The following KCNMA1 variants were observed in gnomAD, a reference collection of about 807,000 sequenced individuals.
KCNMA1 encodes the protein Calcium-activated potassium channel subunit alpha-1.
Under a neutral mutation model 140.0 loss-of-function variants are expected in KCNMA1, and 29 were observed. That is an observed-to-expected ratio of 0.21 (90% CI 0.15 to 0.28). The LOEUF (loss-of-function observed/expected upper bound fraction) is 0.28, where lower values mean the gene tolerates loss of function less well. Ranked by LOEUF, KCNMA1 falls within the 10% of genes least tolerant of loss-of-function variation. The probability of loss-of-function intolerance (pLI) is 1.00; values close to 1 mark genes in which losing one functional copy is unlikely to be tolerated. For missense variants in KCNMA1, 880 were observed against 1,602.2 expected (o/e 0.55, Z 7.70); for synonymous variants, 612 against 611.9 (o/e 1.00, Z 0.00).
chr10:77,597,357 G>A (rs1465331277), intron 1 of KCNMA1, among the ~76,000 whole-genome samples: 13 of 152,092 alleles, frequency 8.5e-5, no homozygotes, highest in Admixed American at 8.5e-4. Flanking sequence ...GTAGCTAGAA[G>A]AGAAAGAATT....
intron 17 of KCNMA1, among the ~76,000 whole-genome samples, chr10:77,015,295 TG>T (rs2091798043): frequency 6.6e-6 from 1 of 152,084 alleles, no homozygotes; most frequent in South Asian, 2.1e-4. Flanking sequence ...TACAGGTCTA[TG>T]AAATGGCACA....
At chr10:77,314,923 AACACACACACACACAC>A (rs3998084) in intron 2 of KCNMA1, among the ~76,000 whole-genome samples, 69 of 146,342 alleles carry the variant, frequency 4.7e-4, no homozygotes, top group African/African-American at 8.8e-4. Flanking sequence ...CCACACCCCC[AACACACACACACACAC>A]ACACACACAC....
chr10:77,056,540 T>A (rs980959625), intron 14 of KCNMA1, among the ~76,000 whole-genome samples: 67 of 152,162 alleles, frequency 4.4e-4, no homozygotes, highest in African/African-American at 1.6e-3. Context: ...AAAAAATTAC[T>A]TGCCATAAGA....
At chr10:77,429,622 T>C (rs920541449) in intron 1 of KCNMA1, among the ~76,000 whole-genome samples, 7 of 152,164 alleles carry the variant, frequency 4.6e-5, no homozygotes, top group African/African-American at 1.4e-4. Flanking sequence ...AAATTCCCCA[T>C]AGTAGTCTAT....
intron 24 of KCNMA1, chr10:76,913,465 T>C (rs1160475031): frequency 6.6e-6 from 1 of 152,336 alleles, no homozygotes; most frequent in Non-Finnish European, 1.5e-5. Context: ...CTTCTTGAAA[T>C]CTGCCTTTAG....
At chr10:76,937,179 A>T (rs1027426876) in intron 23 of KCNMA1, among the ~76,000 whole-genome samples, 3 of 152,128 alleles carry the variant, frequency 2.0e-5, no homozygotes, top group Admixed American at 6.5e-5. Context: ...TATCTTCCTT[A>T]TGTTGGGCTA....
chr10:77,446,917 T>C (rs1217268114), intron 1 of KCNMA1, among the ~76,000 whole-genome samples: 1 of 152,238 alleles, frequency 6.6e-6, no homozygotes, highest in Admixed American at 6.5e-5. Context: ...GGCAAGTTCT[T>C]CCTGCTCCTC....
chr10:77,000,676 T>C (rs914543361), intron 19 of KCNMA1, among the ~76,000 whole-genome samples: 2 of 151,654 alleles, frequency 1.3e-5, no homozygotes, highest in Admixed American at 6.6e-5. Flanking sequence ...GGCTATACTA[T>C]TGGAAAAATA....
intron 1 of KCNMA1, among the ~76,000 whole-genome samples, chr10:77,488,760 C>A (rs751116717): frequency 1.3e-5 from 2 of 152,046 alleles, no homozygotes; most frequent in Non-Finnish European, 2.9e-5. Context: ...GCCATGTTCT[C>A]TGGAAACCAG....
At chr10:77,598,493 G>A (rs2081593011) in intron 1 of KCNMA1, among the ~76,000 whole-genome samples, 1 of 152,210 alleles carries the variant, frequency 6.6e-6, no homozygotes, top group Non-Finnish European at 1.5e-5. Context: ...AAAGCTGCAG[G>A]AGAGGAGTGC....
At chr10:77,117,355 C>T (rs972844424) in intron 6 of KCNMA1, among the ~76,000 whole-genome samples, 2 of 151,320 alleles carry the variant, frequency 1.3e-5, no homozygotes, top group East Asian at 1.9e-4. Context: ...TCGAGACCAG[C>T]GTGGCCAACA....
intron 19 of KCNMA1, among the ~76,000 whole-genome samples, chr10:76,987,115 T>C (rs1043558134): frequency 1.3e-5 from 2 of 151,966 alleles, no homozygotes; most frequent in African/African-American, 4.8e-5. Flanking sequence ...CCTTTTTCCT[T>C]GAGATACATG....
At chr10:77,389,080 G>A (rs148449528) in intron 2 of KCNMA1, among the ~76,000 whole-genome samples, 80 of 152,322 alleles carry the variant, frequency 5.3e-4, no homozygotes, top group African/African-American at 1.7e-3. Flanking sequence ...GGAAACACTT[G>A]AAATAGCCCA....
intron 1 of KCNMA1, among the ~76,000 whole-genome samples, chr10:77,627,702 G>A (rs1159407110): frequency 6.6e-6 from 1 of 152,228 alleles, no homozygotes; most frequent in African/African-American, 2.4e-5. Flanking sequence ...ACCAAGGCTT[G>A]TTCTGCATGT....
At chr10:77,257,648 G>A (rs1037215882) in intron 2 of KCNMA1, among the ~76,000 whole-genome samples, 2 of 152,180 alleles carry the variant, frequency 1.3e-5, no homozygotes, top group Admixed American at 6.5e-5. Flanking sequence ...TTGAACTGTC[G>A]CTCTCACAAT....
intron 2 of KCNMA1, among the ~76,000 whole-genome samples, chr10:77,272,591 C>T (rs1480050577): frequency 6.6e-6 from 1 of 152,018 alleles, no homozygotes; most frequent in African/African-American, 2.4e-5. Flanking sequence ...CTTGGTCACA[C>T]ATACTAGACT....
At chr10:77,481,091 C>T (rs904304979) in intron 1 of KCNMA1, among the ~76,000 whole-genome samples, 1 of 150,614 alleles carries the variant, frequency 6.6e-6, no homozygotes. Flanking sequence ...GCACTCCAGC[C>T]TGGGCAACAG....
At chr10:76,959,667 G>A (rs11001944) in intron 20 of KCNMA1, among the ~76,000 whole-genome samples, 4,824 of 152,206 alleles carry the variant, frequency 0.032, 243 homozygotes, top group Admixed American at 0.13. Context: ...GAAAGGGAGA[G>A]CAGTTCAATA....
At chr10:76,911,263 G>A (rs1283498137) in intron 24 of KCNMA1, 3 of 152,054 alleles carry the variant, frequency 2.0e-5, no homozygotes, top group Non-Finnish European at 4.4e-5. Flanking sequence ...AGCATGAAAG[G>A]CTAGGCATGG....
Sources: gnomAD v4.1 joint callset for allele counts (sites outside exome capture counted in the v4.1 genomes callset) on GRCh38, gnomAD v4.1.1 for gene constraint, MANE v1.5 for transcripts, NCBI Gene and HGNC (gene_info 2026-07-23, HGNC 2026-07-21) for gene names.